Variants in BIN2 observed in about 807,000 individuals in gnomAD.
The protein encoded by BIN2 is bridging integrator 2.
In BIN2, 43 loss-of-function variants were observed where a neutral mutation model predicts 67.9. That is an observed-to-expected ratio of 0.63 (90% CI 0.50 to 0.82). BIN2 has a LOEUF of 0.82. Ranked by LOEUF, BIN2 falls within the 40% of genes least tolerant of loss-of-function variation. The pLI is 0.00. For missense variants in BIN2, 581 were observed against 671.6 expected (o/e 0.87, Z 1.49); for synonymous variants, 244 against 246.8 (o/e 0.99, Z 0.11).
intron 1 of BIN2, 131 bp downstream of exon 1, chr12:51,323,891 G>T: frequency 9.1e-7 from 1 of 1,097,614 alleles, no homozygotes; most frequent in Non-Finnish European, 1.3e-6. Flanking sequence ...CTGGGAGAGC[G>T]GGAGACCCTT....
upstream of BIN2, chr12:51,324,306 G>A (rs1411316070): frequency 2.2e-6 from 3 of 1,369,498 alleles, no homozygotes; most frequent in Non-Finnish European, 2.9e-6. Context: ...GGCGGGCCCG[G>A]GGCCTACCCT....
In BIN2 at chr12:51,302,727, T is replaced by C; in HGVS notation, c.271A>G (p.Ser91Gly). Residue 91 changes from serine to glycine, a missense_variant, in exon 4 of 13, where the codon AGC (serine) becomes GGC (glycine). Transcript: ENST00000615107. ...VSETLQEIYS[S>G]EWDGHEELKA... ...AGCTCCTCATGACCGTCCCACTCGC[T>C]GCTGTAGATCTCCTGCAGGGTTTCT... The C allele has an allele frequency of 3.1e-6, 5 of 1,614,208 alleles. No homozygotes were observed. The highest frequency in any genetic ancestry group is 4.2e-6 in the Non-Finnish European group (5 of 1,180,018).
intron 2 of BIN2, among the ~76,000 whole-genome samples, chr12:51,305,691 T>G (rs1019611286): frequency 3.3e-5 from 5 of 151,834 alleles, no homozygotes; most frequent in Non-Finnish European, 7.4e-5. Flanking sequence ...ATTTTTCCTG[T>G]GGAAATCTTT....
chr12:51,316,402 A>G (rs1187859146), intron 1 of BIN2, among the ~76,000 whole-genome samples: 1 of 151,844 alleles, frequency 6.6e-6, no homozygotes, highest in African/African-American at 2.4e-5. Flanking sequence ...AGGCTGAGGC[A>G]TGAGAATCAC....
At chr12:51,310,671 C>T (rs1266127078) in intron 2 of BIN2, among the ~76,000 whole-genome samples, 3 of 152,188 alleles carry the variant, frequency 2.0e-5, no homozygotes. Context: ...AGATATCATA[C>T]ACATACATAG....
intron 2 of BIN2, among the ~76,000 whole-genome samples, chr12:51,311,214 G>A (rs1056495887): frequency 2.6e-5 from 4 of 151,234 alleles, no homozygotes; most frequent in Non-Finnish European, 4.4e-5. Flanking sequence ...ACCATGCCCA[G>A]CTAATTTTTC....
At chr12:51,318,896 TTTTGGTTTGGCCATATCTG>T (rs549311042) in intron 1 of BIN2, among the ~76,000 whole-genome samples, 5,515 of 152,228 alleles carry the variant, frequency 0.036, 142 homozygotes, top group South Asian at 0.083. Context: ...ATGCTTATAT[TTTTGGTTTGGCCATATCTG>T]TTTGGTTTGG....
chr12:51,312,657 A>T (rs1946023378), intron 2 of BIN2, among the ~76,000 whole-genome samples: 1 of 152,230 alleles, frequency 6.6e-6, no homozygotes, highest in Admixed American at 6.5e-5. Context: ...AAGCTGAGTG[A>T]TGAGTACATG....
chr12:51,310,013 G>GA, intron 2 of BIN2, among the ~76,000 whole-genome samples: 1 of 152,214 alleles, frequency 6.6e-6, no homozygotes, highest in Non-Finnish European at 1.5e-5. Context: ...GAGGCACAGT[G>GA]AAAAAAGCTG....
intron 1 of BIN2, among the ~76,000 whole-genome samples, chr12:51,321,222 A>C (rs891650220): frequency 6.6e-6 from 1 of 152,186 alleles, no homozygotes; most frequent in Non-Finnish European, 1.5e-5. Context: ...GAGTGAGGTT[A>C]GGATTCAGAG....
intron 1 of BIN2, among the ~76,000 whole-genome samples, chr12:51,317,797 G>A (rs1025364549): frequency 2.6e-5 from 4 of 152,140 alleles, no homozygotes; most frequent in African/African-American, 9.6e-5. Flanking sequence ...GACCATCTTG[G>A]CTAACACGAT....
Position 51,297,879 on chromosome 12 carries a change from C to T in BIN2, c.603-715G>A, listed in dbSNP as rs566228989. 5.3e-5 allele frequency among the ~76,000 whole-genome samples: 8 copies of T among 152,248 alleles called. No homozygotes were observed. The East Asian group carries it at 7.7e-4, about 15-fold the overall frequency. On this transcript the variant is annotated intron_variant, in intron 7 of 12. Coordinates refer to ENST00000615107, the MANE Select transcript of BIN2 (RefSeq NM_016293.4). ...TTTATGCAATACAGGATGACTTCTG[C>T]GCCTGTATGTACATTAATGGAATTC...
chr12:51,315,425 G>C (rs1190209817), intron 1 of BIN2, among the ~76,000 whole-genome samples: 1 of 152,156 alleles, frequency 6.6e-6, no homozygotes, highest in Non-Finnish European at 1.5e-5. Context: ...GCCCGCCTCG[G>C]CCTCCCAAAG....
chr12:51,289,702 A>G (rs893190118), intron 10 of BIN2, among the ~76,000 whole-genome samples: 23 of 151,818 alleles, frequency 1.5e-4, no homozygotes, highest in Admixed American at 9.8e-4. Flanking sequence ...GCATCTCTCA[A>G]TTTTTTTTCA....
In BIN2 at chr12:51,281,295, C is replaced by T; in HGVS notation, c.*204G>A. The T allele has an allele frequency of 1.7e-6, 1 of 600,428 alleles. No homozygotes were observed. Among genetic ancestry groups the T allele is most frequent in the Non-Finnish European group, 3.0e-6 (1 of 329,288 alleles). 37.2% of individuals were successfully genotyped at this position (600,428 alleles called of 1,614,324 possible). A position where few individuals can be genotyped will look rare whatever the true frequency, so the allele number is the denominator to read the frequency against. ...TTAAATATTCCCTGAGTCTAATGTT[C>T]TCTTCTCCCCAGCCTGCCTCCCTCC... is the stretch of plus-strand genomic sequence containing the variant. On this transcript the variant is annotated 3_prime_UTR_variant, in exon 13 of 13. Coordinates refer to ENST00000615107, the MANE Select transcript of BIN2 (RefSeq NM_016293.4).
At chr12:51,314,285 T>C (rs1273156126) in intron 1 of BIN2, among the ~76,000 whole-genome samples, 1 of 151,888 alleles carries the variant, frequency 6.6e-6, no homozygotes, top group Non-Finnish European at 1.5e-5. Context: ...TGACCACAAA[T>C]GATCCACCCG....
At chr12:51,288,649 A>G (rs1301959975) in intron 10 of BIN2, among the ~76,000 whole-genome samples, 2 of 152,202 alleles carry the variant, frequency 1.3e-5, no homozygotes, top group Non-Finnish European at 2.9e-5. Context: ...GTAGGGGCTC[A>G]GTAAGTAATT....
intron 4 of BIN2, chr12:51,302,356 G>A: frequency 1.9e-6 from 1 of 537,102 alleles, no homozygotes; most frequent in South Asian, 2.2e-5. Context: ...CAAAGCCTTG[G>A]ACTCCAGAGC....
intron 12 of BIN2, 42 bp downstream of exon 12, chr12:51,284,674 T>C (rs1010712966): frequency 1.3e-6 from 2 of 1,486,070 alleles, no homozygotes; most frequent in African/African-American, 2.8e-5. Flanking sequence ...CAAACCCCTG[T>C]CAATCTAATG....
Sources: allele counts gnomAD v4.1 joint callset (sites outside exome capture counted in the v4.1 genomes callset), GRCh38; gene constraint gnomAD v4.1.1; transcripts MANE v1.5; gene names NCBI Gene and HGNC (gene_info 2026-07-23, HGNC 2026-07-21).